Variants in POLR3F observed in about 807,000 individuals in gnomAD.
POLR3F encodes RNA polymerase III subunit F, also known as DNA-directed RNA polymerase III subunit RPC6.
Under a neutral mutation model 43.6 loss-of-function variants are expected in POLR3F, and 31 were observed. The ratio of observed to expected loss-of-function variants is 0.71; its 90% CI spans 0.53 to 0.96. The LOEUF is 0.96. Among genes scored for constraint, POLR3F ranks in the 40% least tolerant of loss-of-function variants. POLR3F has a pLI of 0.00. For missense variants in POLR3F, 316 were observed against 391.7 expected (o/e 0.81, Z 1.63); for synonymous variants, 114 against 132.5 (o/e 0.86, Z 0.96).
chr20:18,481,983 CTTTTTTT>C (rs56160449), intron 8 of POLR3F, among the ~76,000 whole-genome samples, 173 bp downstream of exon 8: 2 of 74,328 alleles, frequency 2.7e-5, no homozygotes, highest in South Asian at 5.0e-4. Flanking sequence ...CATTCCTTTA[CTTTTTTT>C]TTTTTTTTTT....
intron 7 of POLR3F, 85 bp downstream of exon 7, chr20:18,480,594 T>A (rs200658778): frequency 4.5e-4 from 5 of 11,024 alleles, no homozygotes; most frequent in Non-Finnish European, 6.2e-4. Flanking sequence ...ACCCACATTG[T>A]TTTTTTTTTT....
chr20:18,469,265 A>G, intron 2 of POLR3F: 1 of 533,622 alleles, frequency 1.9e-6, no homozygotes, highest in Non-Finnish European at 3.4e-6. Flanking sequence ...AGTAAAGTAG[A>G]TATGGGTCCA....
rs1334793612 is a variant in POLR3F, at chr20:18,483,399, T to C, written c.874-82T>C. ...CCCTTTCAGTTTGAAAGTTTTGTTT[T>C]TAATCTTGCTTTAAATAAGTGGTTG... On this transcript the variant is annotated intron_variant, in intron 8 of 8. Coordinates refer to ENST00000377603, the MANE Select transcript of POLR3F (RefSeq NM_006466.4). 7.2e-6 allele frequency: 5 copies of C among 690,792 alleles called. No homozygotes were observed. The African/African-American group carries it at 9.2e-5, about 13-fold the overall frequency. 42.8% of individuals were successfully genotyped at this position (690,792 alleles called of 1,614,324 possible). A position where few individuals can be genotyped will look rare whatever the true frequency, so the allele number is the denominator to read the frequency against.
intron 2 of POLR3F, 200 bp downstream of exon 2, chr20:18,469,261 G>A: frequency 3.7e-6 from 2 of 542,634 alleles, no homozygotes; most frequent in Non-Finnish European, 6.6e-6. Context: ...ACGGAGTAAA[G>A]TAGATATGGG....
intron 5 of POLR3F, among the ~76,000 whole-genome samples, chr20:18,476,982 G>A (rs2148865070): frequency 6.6e-6 from 1 of 151,316 alleles, no homozygotes; most frequent in East Asian, 2.0e-4. Context: ...GCTGAGGCAG[G>A]AGAATTGCTT....
Position 18,475,335 on chromosome 20 carries a change from G to T in POLR3F, c.429+148G>T, listed in dbSNP as rs113911942. ...TGGTTTGGAGATGCTGCTTAGACTTGTCCCTACACAGTTAGCTCTTGGTGT... is the reference window on the plus strand; with the variant it reads ...TGGTTTGGAGATGCTGCTTAGACTTTTCCCTACACAGTTAGCTCTTGGTGT... On this transcript the variant is annotated intron_variant, in intron 5 of 8. Transcript: ENST00000377603. 920 of 470,798 alleles carry T rather than the reference G, an allele frequency of 2.0e-3. 15 individuals carry two copies. The highest frequency in any genetic ancestry group is 0.016 in the African/African-American group (808 of 49,244). 29.2% of individuals were successfully genotyped at this position (470,798 alleles called of 1,614,324 possible). A position where few individuals can be genotyped will look rare whatever the true frequency, so the allele number is the denominator to read the frequency against.
chr20:18,467,438 C>T lies in POLR3F; in HGVS notation c.-69C>T, dbSNP rs937116325. On this transcript the variant is annotated 5_prime_UTR_variant, in exon 1 of 9. Transcript: ENST00000377603. ...AGAGCGCTATCCTCCACTGGTTCCC[C>T]GGGTTCCCCGGCTTGCTACCGGGCT... is the stretch of plus-strand genomic sequence containing the variant. 4.1e-5 allele frequency: 65 copies of T among 1,568,796 alleles called. No homozygotes were observed. The highest frequency in any genetic ancestry group is 5.6e-5 in the Non-Finnish European group (64 of 1,139,212).
chr20:18,474,543 G>C (rs2059770107), intron 4 of POLR3F, among the ~76,000 whole-genome samples: 1 of 151,516 alleles, frequency 6.6e-6, no homozygotes, highest in African/African-American at 2.4e-5. Context: ...TTTTGAGATG[G>C]AGTCTTGCTC....
At chr20:18,483,393 T>C (rs2059820930) in intron 8 of POLR3F, 88 bp from the exon 9 acceptor site, 1 of 666,250 alleles carries the variant, frequency 1.5e-6, no homozygotes, top group Non-Finnish European at 2.5e-6. Context: ...TTTGAAAGTT[T>C]TGTTTTTAAT....
chr20:18,484,342 T>C lies in POLR3F; in HGVS notation c.*784T>C. On this transcript the variant is annotated 3_prime_UTR_variant, in exon 9 of 9. Coordinates refer to ENST00000377603, the MANE Select transcript of POLR3F (RefSeq NM_006466.4). ...TTCTTATTTAATGTCTGCAGTAGAC[T>C]GAATGTTTGTGTGCCCCCAGAATTC... 1 of 390,190 alleles carries C rather than the reference T, an allele frequency of 2.6e-6. No individual in the cohort carries two copies. The highest frequency in any genetic ancestry group is 3.6e-5 in the East Asian group (1 of 27,572). The allele number at this position is 390,190 out of a possible 1,614,324, so 24.2% of individuals were successfully genotyped here.
At chr20:18,467,621 G>A (rs1033737484) in intron 1 of POLR3F, 53 bp downstream of exon 1, 1 of 1,613,216 alleles carries the variant, frequency 6.2e-7, no homozygotes, top group Non-Finnish European at 8.5e-7. Flanking sequence ...AGTCATTTGG[G>A]CAGCTGGACC....
chr20:18,472,869 A>T lies in POLR3F; in HGVS notation c.208A>T (p.Thr70Ser). 1 of 1,515,984 alleles carries T rather than the reference A, an allele frequency of 6.6e-7. No individual in the cohort carries two copies. The highest frequency in any genetic ancestry group is 9.1e-7 in the Non-Finnish European group (1 of 1,103,522). The allele number at this position is 1,515,984 out of a possible 1,614,324, so 93.9% of individuals were successfully genotyped here. The change falls in exon 3 of 9, where the codon ACG becomes TCG. Residue 70 changes from threonine (T) to serine (S), a missense_variant. Transcript: ENST00000377603. ...MGQLDLLRSN[T>S]GLLYRIKDSQ... ...TCAGTTGGATCTCTTAAGGAGCAAT[A>T]CGGGCCTTTTATATAGAATAAAGGA... is the stretch of plus-strand genomic sequence containing the variant.
chr20:18,481,838 T>C (rs1417797682), intron 8 of POLR3F, 28 bp downstream of exon 8: 4 of 1,498,384 alleles, frequency 2.7e-6, no homozygotes, highest in African/African-American at 1.4e-5. Flanking sequence ...CACTTTACAC[T>C]TGACTGCCCA....
intron 2 of POLR3F, 142 bp downstream of exon 2, chr20:18,469,203 G>A (rs2059733914): frequency 6.2e-6 from 4 of 640,858 alleles, no homozygotes; most frequent in South Asian, 5.5e-5. Context: ...TTTTATTGGA[G>A]TGTCTGTGTG....
chr20:18,471,489 T>C (rs2059750674), intron 2 of POLR3F, among the ~76,000 whole-genome samples: 1 of 152,208 alleles, frequency 6.6e-6, no homozygotes, highest in South Asian at 2.1e-4. Flanking sequence ...TTAGAATTAA[T>C]GTTGTTCCCC....
At chr20:18,473,814 T>G (rs1225839453) in intron 4 of POLR3F, among the ~76,000 whole-genome samples, 2 of 152,224 alleles carry the variant, frequency 1.3e-5, no homozygotes, top group Non-Finnish European at 1.5e-5. Context: ...AGCTTCAGTT[T>G]CTTTATCTTA....
In POLR3F at chr20:18,480,071, C is replaced by T. The variant is rs1243156436; in HGVS notation, c.463C>T (p.Leu155=). Residue 155 remains leucine (L), a synonymous_variant, in exon 6 of 9, where the codon CTG becomes TTG. Transcript: ENST00000377603. The part of the protein sequence containing the change: ...SKKKVYMLYN[L]QPDRSVTGGA... ...AAAGAAGGTGTATATGCTCTATAAC[C>T]TGCAGCCAGACCGGTCTGTGACTGG... 1 of 1,612,480 alleles carries T rather than the reference C, an allele frequency of 6.2e-7. No individual in the cohort carries two copies. The highest frequency in any genetic ancestry group is 8.5e-7 in the Non-Finnish European group (1 of 1,178,884).
intron 1 of POLR3F, 90 bp from the exon 2 acceptor site, chr20:18,468,854 C>A: frequency 1.4e-6 from 1 of 704,226 alleles, no homozygotes; most frequent in Non-Finnish European, 2.6e-6. Flanking sequence ...GAAAAAGGCA[C>A]AGTTTCAAAC....
chr20:18,472,722 T>C, intron 2 of POLR3F, 120 bp from the exon 3 acceptor site: 1 of 570,308 alleles, frequency 1.8e-6, no homozygotes, highest in African/African-American at 1.9e-5. Context: ...TGAAAAATTT[T>C]GAGATTAAAG....
Sources: allele counts gnomAD v4.1 joint callset (sites outside exome capture counted in the v4.1 genomes callset), GRCh38; gene constraint gnomAD v4.1.1; transcripts MANE v1.5; gene names NCBI Gene and HGNC (gene_info 2026-07-23, HGNC 2026-07-21).